SLC25A21: variants seen among roughly 807,000 people sequenced by gnomAD.
SLC25A21 encodes mitochondrial 2-oxodicarboxylate carrier.
SLC25A21 carries 47 observed loss-of-function variants against 43.8 expected under a neutral mutation model. The ratio of observed to expected loss-of-function variants is 1.07; its 90% CI spans 0.85 to 1.37. The LOEUF is 1.37. Ranked by LOEUF, SLC25A21 falls within the 40% of genes most tolerant of loss-of-function variation. The pLI is 0.00. For synonymous variants in SLC25A21, 131 were observed against 121.3 expected (o/e 1.08, Z -0.52); for missense variants, 352 against 350.2 (o/e 1.00, Z -0.04).
At chr14:36,735,807 G>C (rs1266870334) in intron 3 of SLC25A21, among the ~76,000 whole-genome samples, 1 of 112,078 alleles carries the variant, frequency 8.9e-6, no homozygotes, top group Non-Finnish European at 1.7e-5. Context: ...TCTTATCCCA[G>C]AATCCTTTTT....
intron 1 of SLC25A21, among the ~76,000 whole-genome samples, chr14:36,904,354 A>G (rs1008104009): frequency 6.6e-6 from 1 of 152,244 alleles, no homozygotes; most frequent in Non-Finnish European, 1.5e-5. Context: ...AGAAAATTAT[A>G]AAATACAGAA....
intron 7 of SLC25A21, among the ~76,000 whole-genome samples, chr14:36,704,190 A>G (rs1156874901): frequency 6.6e-6 from 1 of 152,182 alleles, no homozygotes; most frequent in African/African-American, 2.4e-5. Context: ...GTGTCTCATA[A>G]TTCGGTGTTT....
chr14:37,127,311 T>A (rs1963314076), intron 1 of SLC25A21, among the ~76,000 whole-genome samples: 1 of 152,196 alleles, frequency 6.6e-6, no homozygotes, highest in Admixed American at 6.5e-5. Context: ...AATCAAGGGA[T>A]GTCTCACTCC....
chr14:36,727,645 G>T (rs952543559), intron 5 of SLC25A21, among the ~76,000 whole-genome samples: 3 of 151,986 alleles, frequency 2.0e-5, no homozygotes, highest in African/African-American at 7.2e-5. Context: ...CTGAGATCAT[G>T]CCACTGCACT....
chr14:36,873,274 C>A (rs116429560), intron 2 of SLC25A21, among the ~76,000 whole-genome samples: 5,530 of 151,952 alleles, frequency 0.036, 214 homozygotes, highest in East Asian at 0.12. Flanking sequence ...TTGTGGTTTT[C>A]TTTTTCTTTT....
chr14:36,891,995 T>C (rs546638091), intron 1 of SLC25A21, among the ~76,000 whole-genome samples: 1 of 152,284 alleles, frequency 6.6e-6, no homozygotes, highest in African/African-American at 2.4e-5. Context: ...AGCCACTATA[T>C]TGTTAGATCC....
At chr14:36,703,825 TG>T (rs1468396729) in intron 7 of SLC25A21, among the ~76,000 whole-genome samples, 2 of 152,216 alleles carry the variant, frequency 1.3e-5, no homozygotes, top group African/African-American at 4.8e-5. Context: ...GGAATGGTAA[TG>T]AAAGAAACTG....
At chr14:37,137,445 T>C (rs1163046640) in intron 1 of SLC25A21, among the ~76,000 whole-genome samples, 2 of 152,246 alleles carry the variant, frequency 1.3e-5, no homozygotes, top group Non-Finnish European at 2.9e-5. Flanking sequence ...TTATAATTTC[T>C]TGTTAGAAGC....
intron 1 of SLC25A21, among the ~76,000 whole-genome samples, chr14:37,071,852 G>A (rs770137898): frequency 1.3e-5 from 2 of 152,104 alleles, no homozygotes; most frequent in Non-Finnish European, 2.9e-5. Context: ...TAGTTGGAAG[G>A]CCACAGTAAA....
At chr14:37,145,050 G>C (rs1469307435) in intron 1 of SLC25A21, among the ~76,000 whole-genome samples, 1 of 152,094 alleles carries the variant, frequency 6.6e-6, no homozygotes, top group Non-Finnish European at 1.5e-5. Flanking sequence ...GGAAGTGCTA[G>C]TCACAATTCT....
chr14:36,832,453 T>TCA (rs1161558743), intron 2 of SLC25A21, among the ~76,000 whole-genome samples: 1 of 152,202 alleles, frequency 6.6e-6, no homozygotes, highest in Non-Finnish European at 1.5e-5. Context: ...GCTTTGAGGC[T>TCA]CACGGGCCTG....
At chr14:36,917,527 T>A (rs1277629768) in intron 1 of SLC25A21, among the ~76,000 whole-genome samples, 1 of 152,178 alleles carries the variant, frequency 6.6e-6, no homozygotes, top group African/African-American at 2.4e-5. Flanking sequence ...ACATGTGCTG[T>A]TCATATTTTT....
chr14:37,092,008 T>C (rs1962596338), intron 1 of SLC25A21, among the ~76,000 whole-genome samples: 1 of 152,138 alleles, frequency 6.6e-6, no homozygotes, highest in Non-Finnish European at 1.5e-5. Flanking sequence ...ATGCCTATAG[T>C]CCCAGTTACT....
intron 6 of SLC25A21, among the ~76,000 whole-genome samples, chr14:36,718,135 T>A (rs1410647043): frequency 1.3e-5 from 2 of 152,172 alleles, no homozygotes; most frequent in East Asian, 3.8e-4. Context: ...CTGTAAATGG[T>A]AGCTATTATC....
chr14:37,161,698 C>T (rs947139756), intron 1 of SLC25A21, among the ~76,000 whole-genome samples: 4 of 151,882 alleles, frequency 2.6e-5, no homozygotes, highest in African/African-American at 4.8e-5. Flanking sequence ...CGGTGGCTCA[C>T]GCCTGTAATC....
At chr14:37,032,322 T>A (rs1389521061) in intron 1 of SLC25A21, among the ~76,000 whole-genome samples, 1 of 151,824 alleles carries the variant, frequency 6.6e-6, no homozygotes, top group Non-Finnish European at 1.5e-5. Context: ...GATCACGAGG[T>A]CACGAGATCG....
intron 1 of SLC25A21, among the ~76,000 whole-genome samples, chr14:36,989,746 A>G (rs757447378): frequency 1.6e-4 from 24 of 152,230 alleles, no homozygotes; most frequent in Non-Finnish European, 7.4e-5. Context: ...CTTAACATTT[A>G]TAGTGATTCT....
intron 1 of SLC25A21, among the ~76,000 whole-genome samples, chr14:37,106,212 A>C (rs556450068): frequency 6.6e-6 from 1 of 152,236 alleles, no homozygotes; most frequent in African/African-American, 2.4e-5. Context: ...AGGGAAGATA[A>C]CCATAAGGTC....
chr14:36,898,268 C>A (rs1169321243), intron 1 of SLC25A21, among the ~76,000 whole-genome samples: 1 of 152,162 alleles, frequency 6.6e-6, no homozygotes, highest in Non-Finnish European at 1.5e-5. Flanking sequence ...TGCCACCTTG[C>A]AGTTTGATCT....
Sources: allele counts gnomAD v4.1 joint callset (sites outside exome capture counted in the v4.1 genomes callset), GRCh38; gene constraint gnomAD v4.1.1; transcripts MANE v1.5; gene names NCBI Gene and HGNC (gene_info 2026-07-23, HGNC 2026-07-21).